PDZRN3: variants seen among roughly 807,000 people sequenced by gnomAD.
PDZRN3 encodes E3 ubiquitin-protein ligase PDZRN3.
In PDZRN3, 38 loss-of-function variants were observed where a neutral mutation model predicts 85.7. The observed-to-expected ratio is 0.44, with a 90% CI of 0.34 to 0.58. The LOEUF (loss-of-function observed/expected upper bound fraction) is 0.58, where lower values mean the gene tolerates loss of function less well. Ranked by LOEUF, PDZRN3 falls within the 20% of genes least tolerant of loss-of-function variation. The pLI is 0.01. For missense variants in PDZRN3, 1,629 were observed against 1,506.4 expected (o/e 1.08, Z -1.35); for synonymous variants, 759 against 638.0 (o/e 1.19, Z -2.86).
At chr3:73,590,355 G>A (rs972432182) in intron 3 of PDZRN3, among the ~76,000 whole-genome samples, 1 of 151,322 alleles carries the variant, frequency 6.6e-6, no homozygotes, top group Non-Finnish European at 1.5e-5. Context: ...ACTGTTTTCT[G>A]GAACTTCATT....
At chr3:73,554,555 A>G (rs1701645834) in intron 3 of PDZRN3, among the ~76,000 whole-genome samples, 1 of 152,188 alleles carries the variant, frequency 6.6e-6, no homozygotes, top group Non-Finnish European at 1.5e-5. Context: ...GTACGTTCAA[A>G]GGGAAATGGC....
At chr3:73,491,112 G>A (rs1208374294) in intron 3 of PDZRN3, among the ~76,000 whole-genome samples, 1 of 152,222 alleles carries the variant, frequency 6.6e-6, no homozygotes, top group Admixed American at 6.5e-5. Flanking sequence ...CTGGCCTCCT[G>A]GCAGGCAGGC....
At chr3:73,408,057 G>A (rs781225762) in intron 3 of PDZRN3, 15 of 668,538 alleles carry the variant, frequency 2.2e-5, no homozygotes, top group South Asian at 2.2e-4. Flanking sequence ...TGACAACTGT[G>A]CCCAAGAAAA....
intron 3 of PDZRN3, among the ~76,000 whole-genome samples, chr3:73,497,815 C>T (rs551227295): frequency 0.034 from 5,109 of 152,102 alleles, 276 homozygotes; most frequent in African/African-American, 0.11. Flanking sequence ...GTCCCCGCCC[C>T]CGCCAACAGC....
In PDZRN3 at chr3:73,624,540, G is replaced by T. The variant is rs371374984; in HGVS notation, c.286C>A (p.Gln96Lys). The T allele has an allele frequency of 1.4e-5, 21 of 1,501,164 alleles. No homozygotes were observed. The highest frequency in any genetic ancestry group is 1.4e-4 in the Admixed American group (6 of 43,742). 93.0% of individuals were successfully genotyped at this position (1,501,164 alleles called of 1,614,324 possible). A position where few individuals can be genotyped will look rare whatever the true frequency, so the allele number is the denominator to read the frequency against. Residue 96 changes from glutamine (Q) to lysine (K), a missense_variant, in exon 1 of 10, where the codon CAG becomes AAG. By Grantham distance (53) the Gln-to-Lys change is moderately conservative. Transcript: ENST00000263666. Reference protein sequence around the residue: ...TRGCGRVVKLQQLPEHLERCD... With the variant: ...TRGCGRVVKLKQLPEHLERCD... ...CGCTCGAGGTGCTCCGGCAGCTGCT[G>T]CAGCTTGACCACCCGGCCGCAGCCG... is the stretch of plus-strand genomic sequence containing the variant.
chr3:73,494,229 C>A (rs562025629), intron 3 of PDZRN3, among the ~76,000 whole-genome samples: 1 of 152,308 alleles, frequency 6.6e-6, no homozygotes, highest in Non-Finnish European at 1.5e-5. Context: ...CTGAGCCTTT[C>A]TTACTACAAA....
intron 3 of PDZRN3, among the ~76,000 whole-genome samples, chr3:73,529,081 G>C (rs1189006594): frequency 6.6e-6 from 1 of 152,090 alleles, no homozygotes; most frequent in Non-Finnish European, 1.5e-5. Flanking sequence ...TCTGTGGCTA[G>C]GGCTGTGGAG....
At chr3:73,605,075 C>T (rs78745746) in intron 2 of PDZRN3, among the ~76,000 whole-genome samples, 17,597 of 152,012 alleles carry the variant, frequency 0.12, 1,099 homozygotes, top group Admixed American at 0.16. Context: ...AAAATTTAGC[C>T]GAGCATTTAT....
chr3:73,441,380 T>G (rs909111678), intron 3 of PDZRN3, among the ~76,000 whole-genome samples: 1 of 125,318 alleles, frequency 8.0e-6, no homozygotes, highest in Non-Finnish European at 1.6e-5. Flanking sequence ...ACCACTACAC[T>G]TCAGTCTGGT....
At position 73,608,610 on chromosome 3, in the gene PDZRN3, G is replaced by A. The variant is rs1409294231; in HGVS notation, c.798C>T (p.Gly266=). The part of the protein sequence containing the change: ...SGSLGFNIIG[G]RPSVDNHDGS... ...GTAATTAACATACCACACTCGGCCGGCCACCAATAATATTGAATCCCAGGG... is the reference window on the plus strand; with the variant it reads ...GTAATTAACATACCACACTCGGCCGACCACCAATAATATTGAATCCCAGGG... Residue 266 remains glycine (G), a synonymous_variant, in exon 2 of 10, where the codon GGC becomes GGT. Transcript: ENST00000263666. 6.2e-7 allele frequency: 1 copy of A among 1,609,530 alleles called. No homozygotes were observed. The highest frequency in any genetic ancestry group is 8.5e-7 in the Non-Finnish European group (1 of 1,176,252).
At chr3:73,495,303 A>AG (rs1225297877) in intron 3 of PDZRN3, among the ~76,000 whole-genome samples, 1 of 151,476 alleles carries the variant, frequency 6.6e-6, no homozygotes, top group Non-Finnish European at 1.5e-5. Flanking sequence ...TTTGCTTGTA[A>AG]AAAAAAATTA....
intron 8 of PDZRN3, among the ~76,000 whole-genome samples, chr3:73,386,860 C>G (rs528867079): frequency 2.9e-5 from 2 of 69,778 alleles, no homozygotes; most frequent in Admixed American, 2.6e-4. Context: ...GTCTGTCTCT[C>G]GGCTTTTTCA....
intron 3 of PDZRN3, among the ~76,000 whole-genome samples, chr3:73,528,321 G>A (rs1001587373): frequency 6.6e-6 from 1 of 152,154 alleles, no homozygotes; most frequent in Non-Finnish European, 1.5e-5. Context: ...AAGGAGTCTC[G>A]AGGCTACCAG....
At position 73,384,420 on chromosome 3, in the gene PDZRN3, G is replaced by A. The variant is rs375610223; in HGVS notation, c.2146C>T (p.Arg716Cys). Reference protein sequence around the residue: ...HKMQQLKEQYRESWMLHNSGF... With the variant: ...HKMQQLKEQYCESWMLHNSGF... ...CTGTTGTGCAGCATCCAGGACTCGC[G>A]GTACTGCTCCTTGAGCTGCTGCATC... The change falls in exon 10 of 10, where the codon CGC becomes TGC. Residue 716 changes from arginine to cysteine, a missense_variant. By Grantham distance (180) the Arg-to-Cys change is radical. Coordinates refer to ENST00000263666, the MANE Select transcript of PDZRN3 (RefSeq NM_015009.3). 47 of 1,610,580 alleles carry A rather than the reference G, an allele frequency of 2.9e-5. No individual in the cohort carries two copies. The highest frequency in any genetic ancestry group is 4.0e-5 in the African/African-American group (3 of 74,922).
At chr3:73,458,302 A>T (rs1216676568) in intron 3 of PDZRN3, among the ~76,000 whole-genome samples, 4 of 151,702 alleles carry the variant, frequency 2.6e-5, no homozygotes, top group African/African-American at 9.7e-5. Flanking sequence ...CTGTTAACTG[A>T]CCACTCCCAA....
chr3:73,503,564 T>C lies in PDZRN3; in HGVS notation c.918+98790A>G, dbSNP rs149272634. Among the ~76,000 whole-genome samples, 4 of 152,338 alleles carry C rather than the reference T, an allele frequency of 2.6e-5. No individual in the cohort carries two copies. In the East Asian group the frequency reaches 7.7e-4, roughly 29 times the overall value. On this transcript the variant is annotated intron_variant, in intron 3 of 9. Transcript: ENST00000263666. ...CTACTTGGCCTTATCCAATGAACAATAAAAAATTCTTCTTTTGCTTTGTTT... is the reference window on the plus strand; with the variant it reads ...CTACTTGGCCTTATCCAATGAACAACAAAAAATTCTTCTTTTGCTTTGTTT...
intron 3 of PDZRN3, among the ~76,000 whole-genome samples, chr3:73,443,410 C>G (rs977837473): frequency 5.9e-5 from 9 of 151,798 alleles, no homozygotes; most frequent in Non-Finnish European, 1.0e-4. Context: ...AAACCTCCGG[C>G]TGCAGGGAAC....
At chr3:73,602,939 ACT>A (rs1702537311) in intron 2 of PDZRN3, among the ~76,000 whole-genome samples, 2 of 152,160 alleles carry the variant, frequency 1.3e-5, no homozygotes, top group Non-Finnish European at 1.5e-5. Context: ...GCTAATAAAC[ACT>A]GTTTTCATTT....
intron 3 of PDZRN3, among the ~76,000 whole-genome samples, chr3:73,581,018 G>A (rs1436860295): frequency 1.3e-5 from 2 of 152,206 alleles, no homozygotes; most frequent in Non-Finnish European, 2.9e-5. Context: ...TCAGTAAAAT[G>A]TCCCTTTTTG....
Sources: allele counts gnomAD v4.1 joint callset (sites outside exome capture counted in the v4.1 genomes callset), GRCh38; gene constraint gnomAD v4.1.1; transcripts MANE v1.5; gene names NCBI Gene and HGNC (gene_info 2026-07-23, HGNC 2026-07-21).